The following PHKA2 variants were observed in gnomAD, a reference collection of about 807,000 sequenced individuals.
PHKA2 encodes phosphorylase kinase regulatory subunit alpha 2.
Under a neutral mutation model 102.0 loss-of-function variants are expected in PHKA2, and 31 were observed. That is an observed-to-expected ratio of 0.30 (90% CI 0.23 to 0.41). PHKA2 has a LOEUF of 0.41. PHKA2 is among the 10% of genes least tolerant of loss of function. The pLI, the probability that PHKA2 is intolerant of heterozygous loss-of-function variation, is 1.00. For synonymous variants in PHKA2, 455 were observed against 416.2 expected (o/e 1.09, Z -1.13); for missense variants, 858 against 1,023.1 (o/e 0.84, Z 2.20).
rs144032559 is a variant in PHKA2, at chrX:18,967,824, T to C, written c.79-13412A>G. Among the ~76,000 whole-genome samples the C allele has an allele frequency of 2.7e-3, 294 of 110,707 alleles. 2 individuals are homozygous for C. Among genetic ancestry groups the C allele is most frequent in the African/African-American group, 9.4e-3 (285 of 30,471 alleles). ...CTTTATTAAAAGAAGAAAGAAAAAG[T>C]TAAAGATCAAGTTGAAGCCTTCCTT... On this transcript the variant is annotated intron_variant, in intron 1 of 32. Transcript: ENST00000379942.
At chrX:18,955,619 A>G (rs973969551) in intron 1 of PHKA2, among the ~76,000 whole-genome samples, 1 of 111,807 alleles carries the variant, frequency 8.9e-6, no homozygotes, top group Non-Finnish European at 1.9e-5. Flanking sequence ...GTACATATCT[A>G]ATAAAATGTA....
intron 1 of PHKA2, among the ~76,000 whole-genome samples, chrX:18,975,967 CTTTTT>C (rs200764030): frequency 3.2e-5 from 2 of 63,021 alleles, no homozygotes; most frequent in Non-Finnish European, 5.6e-5. Context: ...AAGTCAAATT[CTTTTT>C]TTTTTTTTTT....
chrX:18,958,505 A>C (rs1447681997), intron 1 of PHKA2, among the ~76,000 whole-genome samples: 1 of 111,478 alleles, frequency 9.0e-6, no homozygotes, highest in Non-Finnish European at 1.9e-5. Context: ...ACTATTCGCT[A>C]TCTCTGCCAT....
At chrX:18,959,990 A>G (rs1472334257) in intron 1 of PHKA2, among the ~76,000 whole-genome samples, 3 of 111,055 alleles carry the variant, frequency 2.7e-5, no homozygotes, top group Non-Finnish European at 5.7e-5. Context: ...CCAAGAGCTG[A>G]ACAGCTTGTC....
At position 18,892,935 on chromosome X, in the gene PHKA2, G is replaced by T; in HGVS notation, c.*550C>A. On this transcript the variant is annotated 3_prime_UTR_variant, in exon 33 of 33. Coordinates refer to ENST00000379942, the MANE Select transcript of PHKA2 (RefSeq NM_000292.3). ...GGCAGCCATGCCAATAAAATGGAAG[G>T]CTATGAAAGCAAGCAAGGCACAAGA... is the stretch of plus-strand genomic sequence containing the variant. 8.0e-6 allele frequency: 1 copy of T among 124,880 alleles called. No homozygotes were observed. Among genetic ancestry groups the T allele is most frequent in the Non-Finnish European group, 1.7e-5 (1 of 59,304 alleles). The allele number at this position is 124,880 out of a possible 1,213,427, so 10.3% of individuals were successfully genotyped here. A position where few individuals can be genotyped will look rare whatever the true frequency, so the allele number is the denominator to read the frequency against.
chrX:18,948,642 C>G, intron 5 of PHKA2, 102 bp downstream of exon 5: 1 of 567,838 alleles, frequency 1.8e-6, no homozygotes, highest in South Asian at 2.2e-5. Flanking sequence ...TCTCGCTAAC[C>G]TTTTGGTGAG....
At chrX:18,894,515 C>G (rs770281948) in intron 31 of PHKA2, 111 bp from the exon 32 acceptor site, 3 of 652,918 alleles carry the variant, frequency 4.6e-6, no homozygotes, top group Non-Finnish European at 7.3e-6. Context: ...CGGGGCTCAG[C>G]GCCACTGCTG....
At chrX:18,951,786 C>T (rs2048693552) in intron 3 of PHKA2, among the ~76,000 whole-genome samples, 2 of 110,282 alleles carry the variant, frequency 1.8e-5, no homozygotes, top group South Asian at 3.9e-4. Flanking sequence ...TTTTATTTAC[C>T]CCTCACTGAA....
At chrX:18,944,946 C>T in intron 6 of PHKA2, 132 bp downstream of exon 6, 2 of 547,274 alleles carry the variant, frequency 3.7e-6, no homozygotes, top group Non-Finnish European at 6.6e-6. Context: ...AACTGTGCCA[C>T]TTGAATTTCA....
intron 15 of PHKA2, among the ~76,000 whole-genome samples, chrX:18,925,024 T>C (rs1483741510): frequency 1.8e-5 from 2 of 111,942 alleles, no homozygotes; most frequent in Non-Finnish European, 3.8e-5. Context: ...TGCTCAGCTC[T>C]GGACTGAAAT....
At chrX:18,973,045 C>T (rs2148034076) in intron 1 of PHKA2, among the ~76,000 whole-genome samples, 1 of 112,284 alleles carries the variant, frequency 8.9e-6, no homozygotes, top group Non-Finnish European at 1.9e-5. Context: ...TTCTGTCGCC[C>T]AGGCTGGAGT....
intron 26 of PHKA2, among the ~76,000 whole-genome samples, chrX:18,904,046 T>C (rs759150933): frequency 8.9e-6 from 1 of 111,965 alleles, no homozygotes; most frequent in African/African-American, 3.2e-5. Context: ...CCTGCAAGCC[T>C]CACCATCCCA....
In PHKA2 at chrX:18,924,498, C is replaced by A. The variant is rs2048180527; in HGVS notation, c.1597G>T (p.Ala533Ser). 6 of 1,208,996 alleles carry A rather than the reference C, an allele frequency of 5.0e-6. No individual in the cohort carries two copies. The highest frequency in any genetic ancestry group is 6.7e-6 in the Non-Finnish European group (6 of 894,509). Residue 533 changes from alanine (A) to serine (S), a missense_variant, in exon 16 of 33, where the codon GCC becomes TCC. Transcript: ENST00000379942. ...TCCACGATCATCTCATTGTCGAGGG[C>A]CAGGTAGAAGTGATGCTGGTCGGTG... Reference protein sequence around the residue: ...QFTDQHHFYLALDNEMIVEML... With the variant: ...QFTDQHHFYLSLDNEMIVEML...
intron 1 of PHKA2, among the ~76,000 whole-genome samples, chrX:18,960,358 G>C (rs2048849089): frequency 8.9e-6 from 1 of 111,992 alleles, no homozygotes; most frequent in Non-Finnish European, 1.9e-5. Flanking sequence ...GGAAATATCT[G>C]AGACTGGGTA....
At chrX:18,903,429 G>C (rs200117945) in intron 26 of PHKA2, among the ~76,000 whole-genome samples, 1 of 112,586 alleles carries the variant, frequency 8.9e-6, no homozygotes, top group East Asian at 2.8e-4. Context: ...GGGCCCGAGG[G>C]GCTGGCACCC....
intron 1 of PHKA2, among the ~76,000 whole-genome samples, chrX:18,962,252 C>T (rs1016585856): frequency 1.8e-5 from 2 of 111,276 alleles, no homozygotes; most frequent in African/African-American, 3.3e-5. Flanking sequence ...ACATACACTG[C>T]TCCTTTGTGG....
intron 19 of PHKA2, among the ~76,000 whole-genome samples, chrX:18,917,467 C>G (rs1308227761): frequency 2.7e-5 from 3 of 109,582 alleles, no homozygotes; most frequent in African/African-American, 1.0e-4. Flanking sequence ...CCATGTTGGC[C>G]AGGCTAGTCT....
chrX:18,977,900 G>A (rs982465421), intron 1 of PHKA2, among the ~76,000 whole-genome samples: 26 of 112,134 alleles, frequency 2.3e-4, no homozygotes, highest in Non-Finnish European at 1.1e-4. Flanking sequence ...AGTGGCTCAC[G>A]CCTGTAATCC....
intron 17 of PHKA2, among the ~76,000 whole-genome samples, chrX:18,920,847 C>A (rs1422017517): frequency 8.9e-6 from 1 of 112,436 alleles, no homozygotes; most frequent in Non-Finnish European, 1.9e-5. Context: ...GCGATTTGCA[C>A]ATACAGAAGA....
Sources: allele counts gnomAD v4.1 joint callset (sites outside exome capture counted in the v4.1 genomes callset), GRCh38; gene constraint gnomAD v4.1.1; transcripts MANE v1.5; gene names NCBI Gene and HGNC (gene_info 2026-07-23, HGNC 2026-07-21).